The following ZNF804A variants were observed in gnomAD, a reference collection of about 807,000 sequenced individuals.
ZNF804A encodes the protein zinc finger protein 804A.
Under a neutral mutation model 16.5 loss-of-function variants are expected in ZNF804A, and 2 were observed. That is an observed-to-expected ratio of 0.12 (90% CI 0.05 to 0.38). The LOEUF is 0.38. Ranked by LOEUF, ZNF804A falls within the 10% of genes least tolerant of loss-of-function variation. ZNF804A has a pLI of 0.99. For synonymous variants in ZNF804A, 534 were observed against 489.6 expected (o/e 1.09, Z -1.20); for missense variants, 1,473 against 1,390.7 (o/e 1.06, Z -0.94).
At position 184,731,474 on chromosome 2, in the gene ZNF804A, C is replaced by T. The variant is rs73043256; in HGVS notation, c.111+132404C>T. Among the ~76,000 whole-genome samples the T allele has an allele frequency of 7.2e-3, 1,091 of 151,672 alleles. 11 individuals are homozygous for T. The highest frequency in any genetic ancestry group is 0.025 in the African/African-American group (1,037 of 41,380). ...TAGCGTTGTTTTAACTTGGATTTCCCCAGTAACGTATGATGTGGAACATCT... is the reference window on the plus strand; with the variant it reads ...TAGCGTTGTTTTAACTTGGATTTCCTCAGTAACGTATGATGTGGAACATCT... On this transcript the variant is annotated intron_variant, in intron 1 of 3. Coordinates refer to ENST00000302277, the MANE Select transcript of ZNF804A (RefSeq NM_194250.2).
chr2:184,822,142 G>A (rs1429305781), intron 1 of ZNF804A, among the ~76,000 whole-genome samples: 2 of 152,230 alleles, frequency 1.3e-5, no homozygotes, highest in Non-Finnish European at 1.5e-5. Flanking sequence ...ATTCACAATA[G>A]CAAAGATATG....
intron 1 of ZNF804A, among the ~76,000 whole-genome samples, chr2:184,714,429 TTC>T (rs1449266505): frequency 6.6e-6 from 1 of 152,158 alleles, no homozygotes; most frequent in Non-Finnish European, 1.5e-5. Flanking sequence ...AATTGTTATA[TTC>T]TGTTTCATTT....
Position 184,936,744 on chromosome 2 carries a change from A to C in ZNF804A, c.1348A>C (p.Lys450Gln). Residue 450 changes from lysine (K) to glutamine (Q), a missense_variant, in exon 4 of 4, where the codon AAA (lysine) becomes CAA (glutamine). Coordinates refer to ENST00000302277, the MANE Select transcript of ZNF804A (RefSeq NM_194250.2). ...AGAAATGCTGGTTTATACAACTACG[A>C]AACCATCAATTTCCTATAGCTGTAA... ...PSEMLVYTTT[K>Q]PSISYSCNPL... 6.2e-7 allele frequency: 1 copy of C among 1,613,884 alleles called. No homozygotes were observed. Among genetic ancestry groups the C allele is most frequent in the African/African-American group, 1.3e-5 (1 of 75,026 alleles).
At chr2:184,866,965 T>A (rs1161973894) in intron 2 of ZNF804A, among the ~76,000 whole-genome samples, 1 of 151,452 alleles carries the variant, frequency 6.6e-6, no homozygotes, top group East Asian at 1.9e-4. Flanking sequence ...CATTTTGGAT[T>A]TAAGCTACTA....
intron 2 of ZNF804A, among the ~76,000 whole-genome samples, chr2:184,931,697 T>C (rs1266788399): frequency 1.3e-5 from 2 of 152,148 alleles, no homozygotes; most frequent in Non-Finnish European, 2.9e-5. Flanking sequence ...TCATTAACAT[T>C]TGACTTCTTG....
intron 1 of ZNF804A, among the ~76,000 whole-genome samples, chr2:184,662,512 T>G (rs995784768): frequency 5.3e-5 from 8 of 152,210 alleles, no homozygotes; most frequent in African/African-American, 1.9e-4. Flanking sequence ...GGATAATACT[T>G]TGAAATATTT....
At chr2:184,639,292 T>A (rs938678262) in intron 1 of ZNF804A, among the ~76,000 whole-genome samples, 41 of 151,892 alleles carry the variant, frequency 2.7e-4, no homozygotes, top group African/African-American at 9.7e-4. Context: ...CAGGCTGGCC[T>A]CAAACTCCTG....
intron 2 of ZNF804A, among the ~76,000 whole-genome samples, chr2:184,918,825 T>C (rs1368632823): frequency 6.6e-6 from 1 of 152,138 alleles, no homozygotes; most frequent in Non-Finnish European, 1.5e-5. Context: ...GGTATATATA[T>C]TATGGTATTC....
At chr2:184,663,571 T>A (rs1475660310) in intron 1 of ZNF804A, among the ~76,000 whole-genome samples, 1 of 152,062 alleles carries the variant, frequency 6.6e-6, no homozygotes, top group Non-Finnish European at 1.5e-5. Context: ...AAGAGGTGGG[T>A]TCCTGGTGAA....
At chr2:184,791,603 C>T (rs1029894024) in intron 1 of ZNF804A, among the ~76,000 whole-genome samples, 1 of 152,010 alleles carries the variant, frequency 6.6e-6, no homozygotes, top group Non-Finnish European at 1.5e-5. Context: ...TCCCCTACTT[C>T]CCCCAACCTC....
chr2:184,820,243 G>T (rs1695052825), intron 1 of ZNF804A, among the ~76,000 whole-genome samples: 2 of 151,956 alleles, frequency 1.3e-5, no homozygotes, highest in Non-Finnish European at 2.9e-5. Flanking sequence ...TTCATCCCTG[G>T]GATACAAGGT....
intron 1 of ZNF804A, among the ~76,000 whole-genome samples, chr2:184,856,087 G>A (rs1393640350): frequency 6.6e-6 from 1 of 151,878 alleles, no homozygotes; most frequent in Non-Finnish European, 1.5e-5. Flanking sequence ...TAATAGTGCA[G>A]AACAAGCTCC....
At chr2:184,665,474 A>G (rs1313926175) in intron 1 of ZNF804A, among the ~76,000 whole-genome samples, 2 of 152,218 alleles carry the variant, frequency 1.3e-5, no homozygotes, top group African/African-American at 2.4e-5. Context: ...GAGTTACCAT[A>G]TTAGTTTTCT....
chr2:184,671,162 T>A (rs1002032976), intron 1 of ZNF804A, among the ~76,000 whole-genome samples: 1 of 152,196 alleles, frequency 6.6e-6, no homozygotes, highest in Non-Finnish European at 1.5e-5. Flanking sequence ...GGACAAGGTG[T>A]GCCACCTAAA....
At chr2:184,651,773 C>T (rs1305373495) in intron 1 of ZNF804A, among the ~76,000 whole-genome samples, 2 of 151,762 alleles carry the variant, frequency 1.3e-5, no homozygotes, top group East Asian at 1.9e-4. Context: ...TAAGTATTAT[C>T]AATAATTCAA....
At chr2:184,691,481 T>A (rs915166509) in intron 1 of ZNF804A, among the ~76,000 whole-genome samples, 4 of 151,658 alleles carry the variant, frequency 2.6e-5, no homozygotes, top group South Asian at 2.1e-4. Context: ...TTATTTTTAT[T>A]TATGAAATGG....
intron 2 of ZNF804A, among the ~76,000 whole-genome samples, chr2:184,889,654 G>C (rs1354255457): frequency 6.6e-6 from 1 of 151,560 alleles, no homozygotes; most frequent in East Asian, 1.9e-4. Context: ...ATATATTATT[G>C]AATATTAAAG....
At chr2:184,895,089 C>T (rs894708830) in intron 2 of ZNF804A, among the ~76,000 whole-genome samples, 9 of 152,024 alleles carry the variant, frequency 5.9e-5, no homozygotes, top group African/African-American at 2.2e-4. Flanking sequence ...TCATACCAAC[C>T]TTCTCTCTGT....
intron 1 of ZNF804A, among the ~76,000 whole-genome samples, chr2:184,787,397 GTAGTACTATTT>G: frequency 9.0e-6 from 1 of 111,240 alleles, no homozygotes; most frequent in Non-Finnish European, 2.1e-5. Context: ...ATGTTGAATA[GTAGTACTATTT>G]TTAGTTGTTT....
Sources: allele counts gnomAD v4.1 joint callset (sites outside exome capture counted in the v4.1 genomes callset), GRCh38; gene constraint gnomAD v4.1.1; transcripts MANE v1.5; gene names NCBI Gene and HGNC (gene_info 2026-07-23, HGNC 2026-07-21).